The following PIGN variants were observed in gnomAD, a reference collection of about 807,000 sequenced individuals.
The protein encoded by PIGN is phosphatidylinositol glycan anchor biosynthesis class N, also known as GPI ethanolamine phosphate transferase 1.
PIGN carries 117 observed loss-of-function variants against 125.4 expected under a neutral mutation model. The ratio of observed to expected loss-of-function variants is 0.93; its 90% CI spans 0.80 to 1.09. The LOEUF (loss-of-function observed/expected upper bound fraction) is 1.09. PIGN is among the 50% of genes least tolerant of loss of function. The pLI, the probability that PIGN is intolerant of heterozygous loss-of-function variation, is 0.00. For synonymous variants in PIGN, 392 were observed against 377.8 expected (o/e 1.04, Z -0.44); for missense variants, 1,075 against 1,094.9 (o/e 0.98, Z 0.26).
intron 23 of PIGN, among the ~76,000 whole-genome samples, chr18:62,091,879 AG>A (rs2033977970): frequency 6.6e-6 from 1 of 152,214 alleles, no homozygotes; most frequent in East Asian, 1.9e-4. Flanking sequence ...CTGCTGGCCC[AG>A]CTCACAAATA....
intron 3 of PIGN, 76 bp from the exon 4 acceptor site, chr18:62,161,461 C>G (rs2036950871): frequency 1.6e-6 from 1 of 637,068 alleles, no homozygotes. Flanking sequence ...TTGATGATCA[C>G]AAGTAGATGA....
chr18:62,175,553 T>C (rs1203192431), intron 1 of PIGN, among the ~76,000 whole-genome samples: 2 of 152,190 alleles, frequency 1.3e-5, no homozygotes, highest in African/African-American at 4.8e-5. Flanking sequence ...GTTCTTCCAC[T>C]ACCTCCGTGG....
chr18:62,098,771 A>G (rs999648412), intron 22 of PIGN, among the ~76,000 whole-genome samples: 1 of 152,258 alleles, frequency 6.6e-6, no homozygotes, highest in East Asian at 1.9e-4. Flanking sequence ...AGCTCTACCA[A>G]TCCCAAGGAG....
chr18:62,056,092 G>A (rs2031707400), intron 30 of PIGN, among the ~76,000 whole-genome samples: 1 of 137,974 alleles, frequency 7.2e-6, no homozygotes, highest in African/African-American at 2.6e-5. Flanking sequence ...AATTACTTTT[G>A]CACCAACCTA....
chr18:62,055,892 T>C (rs561988827), intron 30 of PIGN, among the ~76,000 whole-genome samples: 1 of 151,714 alleles, frequency 6.6e-6, no homozygotes, highest in Non-Finnish European at 1.5e-5. Flanking sequence ...TAACGTCTCA[T>C]GCAAGGTCTT....
At chr18:62,040,798 T>C (rs1055722431), downstream of PIGN, among the ~76,000 whole-genome samples, 1 of 152,224 alleles carries the variant, frequency 6.6e-6, no homozygotes, top group Non-Finnish European at 1.5e-5. Flanking sequence ...ATATTCGAGG[T>C]AACAGTTTAT....
In PIGN at chr18:62,163,614, C is replaced by G. The variant is rs2037031101; in HGVS notation, c.-193G>C. 1 of 152,174 alleles carries G rather than the reference C, an allele frequency of 6.6e-6. No homozygotes were observed. Among genetic ancestry groups the G allele is most frequent in the Non-Finnish European group, 1.5e-5 (1 of 68,024 alleles). The allele number at this position is 152,174 out of a possible 1,614,324, so 9.4% of individuals were successfully genotyped here. On this transcript the variant is annotated 5_prime_UTR_variant, in exon 2 of 31. Transcript: ENST00000640252. The stretch of plus-strand genomic sequence containing the variant: ...CAAAATTATAGGTCTCCAAAGGCTA[C>G]AGCTCATCTCACTTTGCACAGGACT...
intron 14 of PIGN, among the ~76,000 whole-genome samples, chr18:62,124,006 G>C (rs2035409602): frequency 6.6e-6 from 1 of 151,914 alleles, no homozygotes; most frequent in African/African-American, 2.4e-5. Context: ...GAGCCCTAAT[G>C]CATGAAGCAT....
rs1444287413 is a variant in PIGN at position 62,143,289 on chromosome 18, A to T, written c.963+17T>A. Reference sequence around the variant, plus strand: ...AGATAAAATTAAATTTGAATGTAATAAAATCGAACTGGATACCTGATTGAC... The same window carrying T: ...AGATAAAATTAAATTTGAATGTAATTAAATCGAACTGGATACCTGATTGAC... On this transcript the variant is annotated intron_variant, in intron 11 of 30. Transcript: ENST00000640252. 1.4e-6 allele frequency: 2 copies of T among 1,384,720 alleles called. No individual in the cohort carries two copies. The highest frequency in any genetic ancestry group is 3.6e-4 in the Middle Eastern group (2 of 5,618). The allele number at this position is 1,384,720 out of a possible 1,614,324, so 85.8% of individuals were successfully genotyped here.
At chr18:62,052,035 G>C (rs1291610052) in intron 30 of PIGN, 3 of 152,158 alleles carry the variant, frequency 2.0e-5, no homozygotes, top group African/African-American at 4.8e-5. Context: ...TTAATCCTGA[G>C]TTCTAGTTTT....
At chr18:62,180,183 G>T (rs1419374868) in intron 1 of PIGN, among the ~76,000 whole-genome samples, 2 of 152,090 alleles carry the variant, frequency 1.3e-5, no homozygotes, top group African/African-American at 4.8e-5. Context: ...AAATGAAATA[G>T]AATACAGTAC....
Position 62,138,244 on chromosome 18 carries a change from T to C in PIGN, c.1171A>G (p.Lys391Glu). The change falls in exon 14 of 31, where the codon AAA becomes GAA. Residue 391 changes from lysine (K) to glutamate (E), a missense_variant and splice_region_variant. By Grantham distance (56) the Lys-to-Glu change is moderately conservative. This residue lies in a region of PIGN where 915 missense variants were observed against 908.7 expected (regional missense o/e 1.01). Coordinates refer to ENST00000640252, the MANE Select transcript of PIGN (RefSeq NM_176787.5). The stretch of plus-strand genomic sequence containing the variant: ...AATAAAAAAATGTAAGGGACTTACT[T>C]AAATGGTGTAAACAAAAATGGTAAA... Reference protein sequence around the residue: ...VTLPFLFTPFKLLSDSKQFNI... With the variant: ...VTLPFLFTPFELLSDSKQFNI... 3 of 1,546,794 alleles carry C rather than the reference T, an allele frequency of 1.9e-6. No individual in the cohort carries two copies. In the South Asian group the frequency reaches 3.7e-5, roughly 19 times the overall value.
intron 24 of PIGN, among the ~76,000 whole-genome samples, 170 bp from the exon 25 acceptor site, chr18:62,089,012 C>T (rs2033840649): frequency 6.6e-6 from 1 of 152,000 alleles, no homozygotes; most frequent in Admixed American, 6.6e-5. Context: ...TTTAATTACA[C>T]CTTAATAAAA....
At chr18:62,125,154 ACATGTTTG>A (rs879608670) in intron 14 of PIGN, among the ~76,000 whole-genome samples, 31,299 of 114,416 alleles carry the variant, frequency 0.27, 7,187 homozygotes, top group East Asian at 0.47. Context: ...ATGTGTATAT[ACATGTTTG>A]TACATATGTG....
At chr18:62,147,380 G>T (rs1178149089) in intron 8 of PIGN, among the ~76,000 whole-genome samples, 1 of 152,132 alleles carries the variant, frequency 6.6e-6, no homozygotes, top group Non-Finnish European at 1.5e-5. Flanking sequence ...TGAGATAGAT[G>T]ACGTTCATGT....
At chr18:62,177,434 T>G (rs62096121) in intron 1 of PIGN, among the ~76,000 whole-genome samples, 25,992 of 152,098 alleles carry the variant, frequency 0.17, 2,763 homozygotes, top group Middle Eastern at 0.28. Flanking sequence ...CTTTAGTTCT[T>G]TGTCTATGGT....
At chr18:62,038,795 G>A (rs931071684), downstream of PIGN, among the ~76,000 whole-genome samples, 4 of 152,130 alleles carry the variant, frequency 2.6e-5, no homozygotes, top group African/African-American at 9.6e-5. Context: ...AAATTAGCCC[G>A]TGGTTCCAGC....
At chr18:62,073,502 A>G (rs2033006757) in intron 29 of PIGN, among the ~76,000 whole-genome samples, 1 of 152,222 alleles carries the variant, frequency 6.6e-6, no homozygotes, top group Non-Finnish European at 1.5e-5. Flanking sequence ...AGCAGAAGTT[A>G]TATCACAAAT....
At chr18:62,048,787 G>C (rs1302372915) in intron 30 of PIGN, among the ~76,000 whole-genome samples, 1 of 149,902 alleles carries the variant, frequency 6.7e-6, no homozygotes, top group Non-Finnish European at 1.5e-5. Context: ...GTGCCATGCT[G>C]GTGTGCTGCA....
Sources: gnomAD v4.1 joint callset for allele counts (sites outside exome capture counted in the v4.1 genomes callset) on GRCh38, gnomAD v4.1.1 for gene constraint, gnomAD v4.1.1 regional missense constraint, MANE v1.5 for transcripts, NCBI Gene and HGNC (gene_info 2026-07-23, HGNC 2026-07-21) for gene names.